Variants in FKBP5 observed in about 807,000 individuals in gnomAD.
FKBP5 encodes the protein peptidyl-prolyl cis-trans isomerase FKBP5.
A neutral mutation model predicts 50.5 loss-of-function variants in FKBP5; 23 were observed. That is an observed-to-expected ratio of 0.46 (90% CI 0.33 to 0.65). The LOEUF (loss-of-function observed/expected upper bound fraction) is 0.65, where lower values mean the gene tolerates loss of function less well. Ranked by LOEUF, FKBP5 falls within the 30% of genes least tolerant of loss-of-function variation. FKBP5 has a pLI of 0.02. For synonymous variants in FKBP5, 176 were observed against 190.6 expected (o/e 0.92, Z 0.63); for missense variants, 411 against 553.1 (o/e 0.74, Z 2.58).
At chr6:35,667,518 A>C (rs907213108) in intron 1 of FKBP5, among the ~76,000 whole-genome samples, 5 of 152,248 alleles carry the variant, frequency 3.3e-5, no homozygotes, top group African/African-American at 1.2e-4. Flanking sequence ...ATTAATATTT[A>C]AAGTTATTAG....
intron 1 of FKBP5, among the ~76,000 whole-genome samples, chr6:35,654,388 T>G (rs973989424): frequency 6.6e-6 from 1 of 152,154 alleles, no homozygotes; most frequent in African/African-American, 2.4e-5. Context: ...GGCAGCATAA[T>G]TGAATAATTA....
intron 6 of FKBP5, among the ~76,000 whole-genome samples, chr6:35,592,003 T>C (rs1762836695): frequency 2.6e-5 from 4 of 152,218 alleles, no homozygotes; most frequent in Non-Finnish European, 5.9e-5. Context: ...ATTAAATGTA[T>C]TCGGGAAGCA....
At chr6:35,652,565 A>G (rs1455354873) in intron 1 of FKBP5, among the ~76,000 whole-genome samples, 2 of 152,166 alleles carry the variant, frequency 1.3e-5, no homozygotes, top group African/African-American at 4.8e-5. Flanking sequence ...TAGCGCTCCC[A>G]GGCTTATTAG....
chr6:35,696,498 C>G (rs948158872), intron 2 of FKBP5, among the ~76,000 whole-genome samples: 1 of 134,780 alleles, frequency 7.4e-6, no homozygotes. Context: ...GGCAACAGAG[C>G]CAGACTCTGT....
At chr6:35,691,595 A>G (rs1007645149), upstream of FKBP5, among the ~76,000 whole-genome samples, 5 of 152,110 alleles carry the variant, frequency 3.3e-5, no homozygotes, top group African/African-American at 1.2e-4. Context: ...TTTCTAGGCC[A>G]GAGTCTGTGG....
chr6:35,630,495 C>T (rs920680347), intron 3 of FKBP5, among the ~76,000 whole-genome samples: 2 of 151,980 alleles, frequency 1.3e-5, no homozygotes, highest in Admixed American at 1.3e-4. Flanking sequence ...TGCAGTGAGC[C>T]GAGATCGTGC....
intron 7 of FKBP5, among the ~76,000 whole-genome samples, chr6:35,588,118 C>T (rs774148721): frequency 2.0e-5 from 3 of 151,604 alleles, no homozygotes; most frequent in Non-Finnish European, 4.4e-5. Context: ...CTCTGCCTCC[C>T]GGGTTCAAGT....
intron 2 of FKBP5, among the ~76,000 whole-genome samples, chr6:35,699,390 T>G (rs1445125538): frequency 6.6e-6 from 1 of 152,172 alleles, no homozygotes. Context: ...TACAGCCCAG[T>G]CCAGGTTCAA....
chr6:35,651,430 G>GT (rs1328944515), intron 1 of FKBP5, among the ~76,000 whole-genome samples: 3 of 152,104 alleles, frequency 2.0e-5, no homozygotes, highest in African/African-American at 7.2e-5. Flanking sequence ...AGAGAACTCT[G>GT]GCTGGGGTAT....
rs780978158 is a variant in FKBP5, at chr6:35,580,021, G to A, written c.1026+15C>T. The A allele has an allele frequency of 6.2e-6, 10 of 1,604,784 alleles. No individual in the cohort carries two copies. The highest frequency in any genetic ancestry group is 8.5e-6 in the Non-Finnish European group (10 of 1,172,580). On this transcript the variant is annotated intron_variant, in intron 9 of 10. Transcript: ENST00000357266. ...GGAGTATCTAAAGTCCATCTCACAGGAGACACGATGTTACCTTGTCACAGC... is the reference window on the plus strand; with the variant it reads ...GGAGTATCTAAAGTCCATCTCACAGAAGACACGATGTTACCTTGTCACAGC...
chr6:35,706,949 G>T (rs1766327853), intron 2 of FKBP5, among the ~76,000 whole-genome samples: 1 of 152,068 alleles, frequency 6.6e-6, no homozygotes, highest in African/African-American at 2.4e-5. Flanking sequence ...AAAAAGCAAA[G>T]CATAGAACAG....
chr6:35,722,796 T>G (rs1421690506), intron 1 of FKBP5, among the ~76,000 whole-genome samples: 1 of 152,154 alleles, frequency 6.6e-6, no homozygotes, highest in Admixed American at 6.5e-5. Context: ...CCCAAGACAT[T>G]ATAATGATCC....
intron 5 of FKBP5, among the ~76,000 whole-genome samples, chr6:35,600,955 G>A (rs1763127930): frequency 6.6e-6 from 1 of 152,096 alleles, no homozygotes; most frequent in South Asian, 2.1e-4. Context: ...AACATGTTGG[G>A]AAAGATAAAT....
intron 8 of FKBP5, chr6:35,583,006 A>T: frequency 1.1e-6 from 1 of 891,000 alleles, no homozygotes; most frequent in Non-Finnish European, 1.3e-6. Flanking sequence ...AGGATCTCTT[A>T]AGTCCAGGAG....
At chr6:35,677,257 T>C (rs548681395) in intron 1 of FKBP5, among the ~76,000 whole-genome samples, 2 of 152,042 alleles carry the variant, frequency 1.3e-5, no homozygotes, top group Non-Finnish European at 2.9e-5. Flanking sequence ...GTATTTTTAG[T>C]AGAGACGGGG....
intron 5 of FKBP5, among the ~76,000 whole-genome samples, chr6:35,615,154 C>CAA (rs1554132893): frequency 1.5e-5 from 1 of 64,754 alleles, no homozygotes; most frequent in Non-Finnish European, 3.5e-5. Context: ...ACAACAACAA[C>CAA]TACACACACA....
intron 6 of FKBP5, among the ~76,000 whole-genome samples, chr6:35,594,078 G>A (rs575246453): frequency 7.2e-5 from 11 of 152,230 alleles, no homozygotes; most frequent in African/African-American, 2.4e-4. Flanking sequence ...TCTAGGCCAG[G>A]TGTGGTGGCT....
intron 2 of FKBP5, 85 bp downstream of exon 2, chr6:35,642,635 C>T: frequency 1.0e-6 from 1 of 983,438 alleles, no homozygotes; most frequent in East Asian, 2.5e-5. Context: ...TAAACATTAT[C>T]CACCCCAGCC....
rs777742035 is a variant in FKBP5, at chr6:35,620,115, A to AT, written c.393+16dup. 30 of 1,614,028 alleles carry AT rather than the reference A, an allele frequency of 1.9e-5. No homozygotes were observed. In the African/African-American group the frequency reaches 3.1e-4, roughly 17 times the overall value. On this transcript the variant is annotated intron_variant, in intron 4 of 10. Transcript: ENST00000357266. ...GTAGAGCAGATGCTGACAAGGCAAC[A>AT]TCACACACATACTTGCCTCAAAAAA...
Sources: allele counts gnomAD v4.1 joint callset (sites outside exome capture counted in the v4.1 genomes callset), GRCh38; gene constraint gnomAD v4.1.1; transcripts MANE v1.5; gene names NCBI Gene and HGNC (gene_info 2026-07-23, HGNC 2026-07-21).